Variants in SYMPK observed in about 807,000 individuals in gnomAD.
SYMPK encodes symplekin.
Under a neutral mutation model 136.4 loss-of-function variants are expected in SYMPK, and 49 were observed. That is an observed-to-expected ratio of 0.36 (90% CI 0.29 to 0.46). SYMPK has a LOEUF of 0.46. Ranked by LOEUF, SYMPK falls within the 20% of genes least tolerant of loss-of-function variation. The pLI is 1.00. For missense variants in SYMPK, 1,365 were observed against 1,690.0 expected (o/e 0.81, Z 3.37); for synonymous variants, 766 against 713.0 (o/e 1.07, Z -1.19).
At chr19:45,858,316 CT>C (rs1481406642) in intron 1 of SYMPK, among the ~76,000 whole-genome samples, 6 of 152,172 alleles carry the variant, frequency 3.9e-5, no homozygotes, top group Admixed American at 3.9e-4. Context: ...GCCTCTCCCC[CT>C]GGGCTCTTTG....
chr19:45,828,633 G>C (rs529928293), intron 14 of SYMPK: 1 of 312,564 alleles, frequency 3.2e-6, no homozygotes, highest in African/African-American at 2.1e-5. Flanking sequence ...GTAGTGAATG[G>C]GGTGTAGAGA....
intron 9 of SYMPK, 46 bp from the exon 10 acceptor site, chr19:45,838,661 C>T (rs767101633): frequency 3.9e-5 from 62 of 1,581,528 alleles, no homozygotes; most frequent in Non-Finnish European, 5.1e-5. Context: ...GAGAGAGCTG[C>T]AGGCCCTCCA....
intron 11 of SYMPK, among the ~76,000 whole-genome samples, chr19:45,832,985 C>T (rs1298479637): frequency 3.3e-5 from 5 of 150,824 alleles, no homozygotes; most frequent in African/African-American, 9.8e-5. Context: ...TGCCATTGCA[C>T]TCCAGCCTGG....
intron 10 of SYMPK, among the ~76,000 whole-genome samples, chr19:45,836,721 C>T (rs1971309977): frequency 6.6e-6 from 1 of 152,094 alleles, no homozygotes; most frequent in South Asian, 2.1e-4. Context: ...TCACTACAGC[C>T]TCAAATTCCT....
chr19:45,846,109 A>G (rs1347050636), intron 7 of SYMPK, among the ~76,000 whole-genome samples: 2 of 152,084 alleles, frequency 1.3e-5, no homozygotes, highest in Admixed American at 6.5e-5. Flanking sequence ...GGTGGCGGGC[A>G]CCTGTGGTCC....
At chr19:45,833,735 A>G (rs1340221846) in intron 11 of SYMPK, among the ~76,000 whole-genome samples, 2 of 152,272 alleles carry the variant, frequency 1.3e-5, no homozygotes, top group African/African-American at 4.8e-5. Flanking sequence ...AAATTTCTAC[A>G]GTGGCAATGG....
At chr19:45,834,046 G>C (rs1236006203) in intron 11 of SYMPK, among the ~76,000 whole-genome samples, 1 of 152,194 alleles carries the variant, frequency 6.6e-6, no homozygotes, top group Non-Finnish European at 1.5e-5. Flanking sequence ...CCAGCACTTT[G>C]GGAGGCCAAG....
chr19:45,860,670 G>T (rs1364185463), intron 1 of SYMPK, among the ~76,000 whole-genome samples: 3 of 151,922 alleles, frequency 2.0e-5, no homozygotes, highest in Admixed American at 6.6e-5. Flanking sequence ...TTGAGACAGG[G>T]TGTCACTCTG....
In SYMPK at chr19:45,824,819, G is replaced by A. The variant is rs115181774; in HGVS notation, c.2490+352C>T. On this transcript the variant is annotated intron_variant, in intron 18 of 26. Coordinates refer to ENST00000245934, the MANE Select transcript of SYMPK (RefSeq NM_004819.3). ...AACACTGGGAAGGCCAGCTCATAAA[G>A]TGACAGTAACACAGAGGTTTATGTG... 4.6e-3 allele frequency among the ~76,000 whole-genome samples: 706 copies of A among 152,332 alleles called. 6 individuals are homozygous for A. Among genetic ancestry groups the A allele is most frequent in the African/African-American group, 0.016 (670 of 41,570 alleles).
In SYMPK at chr19:45,816,154, CG is replaced by C; in HGVS notation, c.3383del (p.Pro1128ArgfsTer22). Reference protein sequence around the residue: ...EDDLEPLTLAPAPAPRPPQDL... With the variant: ...EDDLEPLTLAXAPAPRPPQDL... The stretch of plus-strand genomic sequence containing the variant: ...CCTGAGGGGGCCGGGGTGCTGGGGC[CG>C]GGGCCAAGGTCAGGGGCTCCAGATC... On this transcript the variant is annotated frameshift_variant, in exon 26 of 27. Transcript: ENST00000245934. LOFTEE classifies it high-confidence loss of function. 1.3e-6 allele frequency: 2 copies of C among 1,546,706 alleles called. No homozygotes were observed. Among genetic ancestry groups the C allele is most frequent in the Non-Finnish European group, 1.8e-6 (2 of 1,142,680 alleles).
rs1568604776 is a variant in SYMPK at position 45,816,148 on chromosome 19, T to C, written c.3390A>G (p.Pro1130=). The change falls in exon 26 of 27, where the codon CCA becomes CCG. Residue 1130 remains proline (P), a synonymous_variant. Coordinates refer to ENST00000245934, the MANE Select transcript of SYMPK (RefSeq NM_004819.3). ...TGAGGTCCTGAGGGGGCCGGGGTGCTGGGGCCGGGGCCAAGGTCAGGGGCT... is the reference window on the plus strand; with the variant it reads ...TGAGGTCCTGAGGGGGCCGGGGTGCCGGGGCCGGGGCCAAGGTCAGGGGCT... ...DLEPLTLAPA[P]APRPPQDLIG... The C allele has an allele frequency of 6.5e-7, 1 of 1,547,654 alleles. No individual in the cohort carries two copies. The highest frequency in any genetic ancestry group is 8.7e-7 in the Non-Finnish European group (1 of 1,143,222).
intron 22 of SYMPK, among the ~76,000 whole-genome samples, chr19:45,818,378 A>G (rs1442722365): frequency 6.6e-6 from 1 of 152,208 alleles, no homozygotes; most frequent in South Asian, 2.1e-4. Flanking sequence ...AACTCCAGGA[A>G]GCCCCAAAAT....
intron 23 of SYMPK, among the ~76,000 whole-genome samples, chr19:45,817,417 C>CTTTTTTTT (rs559430104): frequency 4.6e-5 from 5 of 108,480 alleles, no homozygotes; most frequent in African/African-American, 1.8e-4. Flanking sequence ...TTTTTGTTCT[C>CTTTTTTTT]TTTTTTTTTT....
intron 23 of SYMPK, 22 bp downstream of exon 23, chr19:45,817,937 G>A (rs374784084): frequency 8.4e-5 from 129 of 1,543,394 alleles, no homozygotes; most frequent in Non-Finnish European, 8.4e-5. Flanking sequence ...GCCTGGAGGC[G>A]GGGTGGCCGG....
At chr19:45,830,455 G>T (rs1177435154) in intron 12 of SYMPK, 1 of 467,220 alleles carries the variant, frequency 2.1e-6, no homozygotes, top group Non-Finnish European at 3.9e-6. Flanking sequence ...ACGGAGGCAG[G>T]GACAAGATAC....
intron 13 of SYMPK, 39 bp from the exon 14 acceptor site, chr19:45,829,244 G>A (rs751453159): frequency 6.4e-6 from 10 of 1,566,004 alleles, no homozygotes; most frequent in African/African-American, 1.4e-5. Context: ...TGTAGGGTGG[G>A]CAATCCAGGG....
intron 23 of SYMPK, chr19:45,817,221 C>CA (rs1464106685): frequency 8.0e-6 from 4 of 501,228 alleles, no homozygotes; most frequent in African/African-American, 4.1e-5. Context: ...AGAGCTCCCC[C>CA]TGGGCCAGGC....
chr19:45,847,550 T>C (rs2146336052), intron 7 of SYMPK, among the ~76,000 whole-genome samples: 1 of 152,146 alleles, frequency 6.6e-6, no homozygotes, highest in East Asian at 1.9e-4. Flanking sequence ...GAAAATGAAG[T>C]ACAGAGACAG....
In SYMPK at chr19:45,821,476, T is replaced by C. The variant is rs922019232; in HGVS notation, c.2801A>G (p.Asn934Ser). Residue 934 changes from asparagine (N) to serine (S), a missense_variant, in exon 22 of 27, where the codon AAC becomes AGC. Transcript: ENST00000245934. This position sits in a 1 kb window ranked among gnomAD's most constrained non-coding sequence, Gnocchi z 4.4. ...RLLGTQHGEG[N>S]SALSPLNPGE... ...AGGGTTCAGCGGGGACAAGGCTGAG[T>C]TTCCCTCACCTGCAGCAGGCGGGAG... 4 of 1,613,054 alleles carry C rather than the reference T, an allele frequency of 2.5e-6. No individual in the cohort carries two copies. The highest frequency in any genetic ancestry group is 3.4e-6 in the Non-Finnish European group (4 of 1,179,356).
Sources: gnomAD v4.1 joint callset for allele counts (sites outside exome capture counted in the v4.1 genomes callset) on GRCh38, gnomAD v4.1.1 for gene constraint, Gnocchi (gnomAD v3.1) non-coding constraint, MANE v1.5 for transcripts, NCBI Gene and HGNC (gene_info 2026-07-23, HGNC 2026-07-21) for gene names.